TMED3: variants seen among roughly 807,000 people sequenced by gnomAD.
TMED3 encodes the protein transmembrane p24 trafficking protein 3.
A neutral mutation model predicts 15.0 loss-of-function variants in TMED3; 9 were observed. The observed-to-expected ratio is 0.60, with a 90% CI of 0.36 to 1.04. TMED3 has a LOEUF of 1.04. Among genes scored for constraint, TMED3 ranks in the 50% least tolerant of loss-of-function variants. The pLI, the probability that TMED3 is intolerant of heterozygous loss-of-function variation, is 0.01. For missense variants in TMED3, 267 were observed against 278.9 expected, an observed-to-expected ratio of 0.96 and a Z score of 0.30; for synonymous variants, 117 against 121.4, an observed-to-expected ratio of 0.96 and a Z score of 0.24.
chr15:79,327,869 A>C (rs1043007647), intron 2 of TMED3, among the ~76,000 whole-genome samples: 1 of 152,244 alleles, frequency 6.6e-6, no homozygotes, highest in South Asian at 2.1e-4. Flanking sequence ...AGCCTTCTAA[A>C]ATAAAATAGA....
intron 2 of TMED3, among the ~76,000 whole-genome samples, chr15:79,378,883 T>C (rs1456044299): frequency 6.6e-6 from 1 of 152,192 alleles, no homozygotes; most frequent in Non-Finnish European, 1.5e-5. Context: ...GAGGTGGGAA[T>C]AGAAATTATG....
At chr15:79,377,834 G>C (rs1595905489) in intron 2 of TMED3, among the ~76,000 whole-genome samples, 1 of 151,848 alleles carries the variant, frequency 6.6e-6, no homozygotes, top group African/African-American at 2.4e-5. Context: ...TTTTAGTAGA[G>C]ACGGGGTTTC....
intron 1 of TMED3, among the ~76,000 whole-genome samples, chr15:79,312,451 G>A (rs901791282): frequency 6.6e-5 from 10 of 152,170 alleles, no homozygotes; most frequent in African/African-American, 2.4e-4. Context: ...CTGCCAGGGC[G>A]GAAATCCCTT....
intron 2 of TMED3, among the ~76,000 whole-genome samples, chr15:79,337,074 A>C (rs183410087): frequency 1.3e-5 from 2 of 152,234 alleles, no homozygotes; most frequent in East Asian, 3.8e-4. Context: ...TTTAGCTGCT[A>C]TCAGTTGCAA....
At chr15:79,314,635 T>G (rs981593584) in intron 2 of TMED3, 7 of 440,672 alleles carry the variant, frequency 1.6e-5, no homozygotes, top group African/African-American at 4.0e-5. Flanking sequence ...GGAATACGTA[T>G]CACCTGCTCA....
chr15:79,317,489 T>G (rs572454266), intron 2 of TMED3, among the ~76,000 whole-genome samples: 26 of 152,342 alleles, frequency 1.7e-4, no homozygotes, highest in African/African-American at 5.5e-4. Flanking sequence ...CTGAATGAGT[T>G]TGTGACACAT....
intron 2 of TMED3, among the ~76,000 whole-genome samples, chr15:79,367,427 C>G (rs1893257100): frequency 6.6e-6 from 1 of 152,146 alleles, no homozygotes; most frequent in African/African-American, 2.4e-5. Context: ...ATGCTTCAGT[C>G]CTGACACCCA....
At chr15:79,346,018 ATTTG>A (rs1452483028) in intron 2 of TMED3, among the ~76,000 whole-genome samples, 1 of 151,992 alleles carries the variant, frequency 6.6e-6, no homozygotes, top group Non-Finnish European at 1.5e-5. Context: ...TTTCTTGTAA[ATTTG>A]TTTAAGTTCT....
At chr15:79,358,459 A>C (rs1174504832) in intron 2 of TMED3, among the ~76,000 whole-genome samples, 2 of 152,226 alleles carry the variant, frequency 1.3e-5, no homozygotes, top group Admixed American at 6.5e-5. Flanking sequence ...TGTGGATTGC[A>C]GTCTAGACTG....
intron 2 of TMED3, among the ~76,000 whole-genome samples, chr15:79,335,432 T>C (rs1438232325): frequency 6.6e-6 from 1 of 152,192 alleles, no homozygotes; most frequent in Non-Finnish European, 1.5e-5. Context: ...TGGAATACTG[T>C]CCTCAGGGAA....
At chr15:79,314,537 T>C (rs1216208166) in intron 2 of TMED3, 1 of 455,702 alleles carries the variant, frequency 2.2e-6, no homozygotes, top group Admixed American at 2.3e-5. Context: ...CTGTCTTCCC[T>C]TAGGGCTTCA....
At chr15:79,401,072 AC>A (rs893526686) in intron 2 of TMED3, among the ~76,000 whole-genome samples, 3 of 152,150 alleles carry the variant, frequency 2.0e-5, no homozygotes, top group African/African-American at 7.2e-5. Flanking sequence ...CATATATTTT[AC>A]CATACCATGG....
chr15:79,358,170 A>G (rs959318091), intron 2 of TMED3, among the ~76,000 whole-genome samples: 1 of 152,134 alleles, frequency 6.6e-6, no homozygotes, highest in Non-Finnish European at 1.5e-5. Context: ...AAGGCACTGG[A>G]TAGCGCAGTG....
chr15:79,343,615 G>C (rs2058858859), intron 2 of TMED3, among the ~76,000 whole-genome samples: 1 of 151,284 alleles, frequency 6.6e-6, no homozygotes, highest in African/African-American at 2.4e-5. Flanking sequence ...TGGCTGCTTT[G>C]TGGGTAGTAG....
At chr15:79,391,524 A>G (rs891024507) in intron 2 of TMED3, among the ~76,000 whole-genome samples, 6 of 152,046 alleles carry the variant, frequency 3.9e-5, no homozygotes, top group Non-Finnish European at 7.4e-5. Flanking sequence ...TCCATGCGCT[A>G]TTGAATAGAA....
intron 2 of TMED3, among the ~76,000 whole-genome samples, chr15:79,354,763 G>A (rs1424463346): frequency 6.6e-6 from 1 of 152,152 alleles, no homozygotes; most frequent in African/African-American, 2.4e-5. Flanking sequence ...GCCAATCCCA[G>A]GAGGCCGAAG....
intron 2 of TMED3, among the ~76,000 whole-genome samples, chr15:79,377,657 T>G (rs1893451921): frequency 2.7e-5 from 4 of 149,880 alleles, no homozygotes; most frequent in Admixed American, 2.0e-4. Flanking sequence ...TTTTTTTTTT[T>G]TTTTTTTTGA....
chr15:79,348,132 T>A (rs1409855986), intron 2 of TMED3, among the ~76,000 whole-genome samples: 1 of 152,150 alleles, frequency 6.6e-6, no homozygotes, highest in Non-Finnish European at 1.5e-5. Flanking sequence ...ATAAGTTACA[T>A]GCATTAAATC....
chr15:79,317,798 T>C (rs2058747387), intron 2 of TMED3, among the ~76,000 whole-genome samples: 2 of 152,220 alleles, frequency 1.3e-5, no homozygotes, highest in African/African-American at 4.8e-5. Context: ...GGCGACCTTC[T>C]TAACCGAGGC....
Sources: allele counts gnomAD v4.1 joint callset (sites outside exome capture counted in the v4.1 genomes callset), GRCh38; gene constraint gnomAD v4.1.1; transcripts MANE v1.5; gene names NCBI Gene and HGNC (gene_info 2026-07-23, HGNC 2026-07-21).